DGAT1: variants seen among roughly 807,000 people sequenced by gnomAD.
DGAT1 encodes diacylglycerol O-acyltransferase 1, also known as ACAT related gene product 1.
DGAT1 carries 60 observed loss-of-function variants against 72.6 expected under a neutral mutation model. The ratio of observed to expected loss-of-function variants is 0.83; its 90% CI spans 0.67 to 1.02. The LOEUF is 1.02. Among genes scored for constraint, DGAT1 ranks in the 50% least tolerant of loss-of-function variants. The pLI is 0.00. For synonymous variants in DGAT1, 290 were observed against 267.5 expected (o/e 1.08, Z -0.82); for missense variants, 592 against 670.0 (o/e 0.88, Z 1.29).
intron 2 of DGAT1, 93 bp from the exon 3 acceptor site, chr8:144,319,161 C>G: frequency 6.8e-7 from 1 of 1,468,276 alleles, no homozygotes; most frequent in Non-Finnish European, 9.3e-7. Context: ...CACGTCCCAG[C>G]CCGAGCTCAG....
rs1817204449 is a variant in DGAT1 at position 144,316,072 on chromosome 8, G to A, written c.*482C>T. ...ACACCCAGCAGGAGTAGCACCAGGA[G>A]AGGACGCCTGAGCTGAGCTTTTCTA... On this transcript the variant is annotated 3_prime_UTR_variant, in exon 17 of 17. Transcript: ENST00000528718. 5 of 333,530 alleles carry A rather than the reference G, an allele frequency of 1.5e-5. No homozygotes were observed. The highest frequency in any genetic ancestry group is 2.2e-5 in the Non-Finnish European group (5 of 230,364). The allele number at this position is 333,530 out of a possible 1,614,324, so 20.7% of individuals were successfully genotyped here. A position where few individuals can be genotyped will look rare whatever the true frequency, so the allele number is the denominator to read the frequency against.
chr8:144,323,987 G>C (rs1446795067), intron 1 of DGAT1, among the ~76,000 whole-genome samples: 12 of 152,238 alleles, frequency 7.9e-5, no homozygotes, highest in Non-Finnish European at 2.9e-5. Context: ...GAGAGAGAAA[G>C]GGAGAGTCAG....
chr8:144,317,266 GAC>G lies in DGAT1; in HGVS notation c.1095-16_1095-15del. 2 of 1,611,018 alleles carry G rather than the reference GAC, an allele frequency of 1.2e-6. No individual in the cohort carries two copies. Among genetic ancestry groups the G allele is most frequent in the Non-Finnish European group, 8.5e-7 (1 of 1,177,910 alleles). On this transcript the variant is annotated splice_polypyrimidine_tract_variant and intron_variant, in intron 13 of 16. Transcript: ENST00000528718. ...GACTCGGAGTTCCTGGGGGCCAAGA[GAC>G]CACAGGGGGATCAGAGCACACCATG...
intron 1 of DGAT1, 47 bp from the exon 2 acceptor site, chr8:144,321,455 C>A (rs1817456264): frequency 1.9e-6 from 3 of 1,546,044 alleles, no homozygotes; most frequent in African/African-American, 1.4e-5. Context: ...ACCAGCAGGG[C>A]AGCGCCACCC....
chr8:144,316,038 G>A lies in DGAT1; in HGVS notation c.*516C>T, dbSNP rs560460810. On this transcript the variant is annotated 3_prime_UTR_variant, in exon 17 of 17. Coordinates refer to ENST00000528718, the MANE Select transcript of DGAT1 (RefSeq NM_012079.6). ...ATCCTGCACTGAGGGCCAGAGTGCC[G>A]ATTCCCGCACACCCAGCAGGAGTAG... The A allele has an allele frequency of 5.8e-5, 36 of 620,630 alleles. No individual in the cohort carries two copies. Among genetic ancestry groups the A allele is most frequent in the Non-Finnish European group, 6.7e-5 (33 of 494,786 alleles). 38.4% of individuals were successfully genotyped at this position (620,630 alleles called of 1,614,324 possible). A position where few individuals can be genotyped will look rare whatever the true frequency, so the allele number is the denominator to read the frequency against.
In DGAT1 at chr8:144,319,077, G is replaced by A; in HGVS notation, c.289-9C>T. 6.4e-7 allele frequency: 1 copy of A among 1,553,118 alleles called. No individual in the cohort carries two copies. The highest frequency in any genetic ancestry group is 8.7e-7 in the Non-Finnish European group (1 of 1,148,048). ...CGGGCATTGCTCAAGATCTGCGAGGGATGGACAGGAGGGTGCAGCCCCTTT... is the reference window on the plus strand; with the variant it reads ...CGGGCATTGCTCAAGATCTGCGAGGAATGGACAGGAGGGTGCAGCCCCTTT... On this transcript the variant is annotated splice_polypyrimidine_tract_variant and intron_variant, in intron 2 of 16. Transcript: ENST00000528718.
chr8:144,321,578 A>C (rs559072057), intron 1 of DGAT1, among the ~76,000 whole-genome samples, 170 bp from the exon 2 acceptor site: 49 of 152,302 alleles, frequency 3.2e-4, no homozygotes, highest in South Asian at 2.7e-3. Flanking sequence ...CAAGACCTAC[A>C]GTGGGCAAAG....
chr8:144,315,335 C>A lies in DGAT1; in HGVS notation c.*1219G>T, dbSNP rs1243949033. The A allele has an allele frequency of 4.1e-6, 4 of 985,404 alleles. No homozygotes were observed. The African/African-American group carries it at 7.0e-5, about 17-fold the overall frequency. 61.0% of individuals were successfully genotyped at this position (985,404 alleles called of 1,614,324 possible). A position where few individuals can be genotyped will look rare whatever the true frequency, so the allele number is the denominator to read the frequency against. On this transcript the variant is annotated 3_prime_UTR_variant, in exon 17 of 17. Coordinates refer to ENST00000528718, the MANE Select transcript of DGAT1 (RefSeq NM_012079.6). ...CTCCATCTCAGGGCCCACCAGCCCCCACTGGGGTAGAGGGAGGATACCACC... is the reference window on the plus strand; with the variant it reads ...CTCCATCTCAGGGCCCACCAGCCCCAACTGGGGTAGAGGGAGGATACCACC...
chr8:144,317,082 C>T lies in DGAT1; in HGVS notation c.1188G>A (p.Arg396=), dbSNP rs1241687365. The change falls in exon 15 of 17, where the codon CGG becomes CGA. Residue 396 remains arginine, a synonymous_variant. Coordinates refer to ENST00000528718, the MANE Select transcript of DGAT1 (RefSeq NM_012079.6). The stretch of plus-strand genomic sequence containing the variant: ...TCCTGGCCATCCACTTGCTGCTGCC[C>T]CGTCGAAGCATGGGCTTGTAGAAGT... ...IRHFYKPMLR[R]GSSKWMARTG... 4 of 1,612,838 alleles carry T rather than the reference C, an allele frequency of 2.5e-6. No homozygotes were observed. The highest frequency in any genetic ancestry group is 2.7e-5 in the African/African-American group (2 of 74,884).
intron 1 of DGAT1, among the ~76,000 whole-genome samples, chr8:144,324,353 G>A (rs1554848530): frequency 6.6e-6 from 1 of 152,168 alleles, no homozygotes; most frequent in South Asian, 2.1e-4. Context: ...AAGGGGGTGC[G>A]CTAGAGGCCA....
intron 15 of DGAT1, 46 bp from the exon 16 acceptor site, chr8:144,316,961 G>A (rs782595918): frequency 1.1e-5 from 18 of 1,611,648 alleles, no homozygotes; most frequent in East Asian, 6.7e-5. Flanking sequence ...GGTGTCAGCC[G>A]TCCCTGCTGT....
In DGAT1 at chr8:144,321,307, C is replaced by A; in HGVS notation, c.288+14G>T. On this transcript the variant is annotated intron_variant, in intron 2 of 16. Coordinates refer to ENST00000528718, the MANE Select transcript of DGAT1 (RefSeq NM_012079.6). ...CTGGACCTAGACCCGCTCCCGACACCATGTCCCACTCACCAGCATCACCAC... is the reference window on the plus strand; with the variant it reads ...CTGGACCTAGACCCGCTCCCGACACAATGTCCCACTCACCAGCATCACCAC... 2 of 1,613,232 alleles carry A rather than the reference C, an allele frequency of 1.2e-6. No individual in the cohort carries two copies. The highest frequency in any genetic ancestry group is 1.7e-6 in the Non-Finnish European group (2 of 1,179,418).
In DGAT1 at chr8:144,319,022, A is replaced by C. The variant is rs781981810; in HGVS notation, c.329+6T>G. The C allele has an allele frequency of 1.9e-6, 3 of 1,558,776 alleles. No individual in the cohort carries two copies. Among genetic ancestry groups the C allele is most frequent in the Non-Finnish European group, 2.6e-6 (3 of 1,151,342 alleles). On this transcript the variant is annotated splice_donor_region_variant and intron_variant, in intron 3 of 16. Transcript: ENST00000528718. ...GGCAGGGGTGGGACCTGGCAAAGGCACTCACTTGATGAGGTTCTCCAGAAA... is the reference window on the plus strand; with the variant it reads ...GGCAGGGGTGGGACCTGGCAAAGGCCCTCACTTGATGAGGTTCTCCAGAAA...
chr8:144,323,415 G>A (rs537318632), intron 1 of DGAT1, among the ~76,000 whole-genome samples: 3 of 151,440 alleles, frequency 2.0e-5, no homozygotes, highest in Non-Finnish European at 2.9e-5. Flanking sequence ...CCCCCACTGC[G>A]CTACCCCTAC....
At chr8:144,321,488 C>G in intron 1 of DGAT1, 80 bp from the exon 2 acceptor site, 1 of 1,306,456 alleles carries the variant, frequency 7.7e-7, no homozygotes, top group African/African-American at 1.5e-5. Flanking sequence ...GGCCCCCACC[C>G]CAGTGTCCTC....
At chr8:144,321,190 C>T (rs1381984194) in intron 2 of DGAT1, 131 bp downstream of exon 2, 5 of 853,558 alleles carry the variant, frequency 5.9e-6, no homozygotes, top group African/African-American at 5.0e-5. Context: ...GCAGCCTGCT[C>T]CACACACCCC....
chr8:144,318,058 C>CCTGTCCCCCGCACCTCAG, intron 8 of DGAT1, 37 bp downstream of exon 8: 1 of 1,520,236 alleles, frequency 6.6e-7, no homozygotes, highest in Non-Finnish European at 8.8e-7. Context: ...ACAGGCCCAG[C>CCTGTCCCCCGCACCTCAG]CTGTCCCCCG....
chr8:144,316,625 GCTGTCCGATGATGAGCGACAGCCACA>G lies in DGAT1; in HGVS notation c.1370_1395del (p.Val457AlafsTer17). 1 of 1,608,678 alleles carries G rather than the reference GCTGTCCGATGATGAGCGACAGCCACA, an allele frequency of 6.2e-7. No homozygotes were observed. Among genetic ancestry groups the G allele is most frequent in the Non-Finnish European group, 8.5e-7 (1 of 1,178,350 alleles). On this transcript the variant is annotated frameshift_variant, in exon 17 of 17. Coordinates refer to ENST00000528718, the MANE Select transcript of DGAT1 (RefSeq NM_012079.6). LOFTEE classifies it high-confidence loss of function. The stretch of plus-strand genomic sequence containing the variant: ...TGGACGTACATGAGGACGGCTATTG[GCTGTCCGATGATGAGCGACAGCCACA>G]CAGCTGCGTTGCCATAGTTGCCCTG...
rs1554847752 is a variant in DGAT1 at position 144,318,844 on chromosome 8, G to T, written c.406C>A (p.Leu136Met). 1 of 1,612,242 alleles carries T rather than the reference G, an allele frequency of 6.2e-7. No individual in the cohort carries two copies. The highest frequency in any genetic ancestry group is 8.5e-7 in the Non-Finnish European group (1 of 1,179,190). The change falls in exon 4 of 17, where the codon CTG becomes ATG. Residue 136 changes from leucine to methionine, a missense_variant. Leu to Met is a conservative substitution (Grantham distance 15, BLOSUM62 2). Transcript: ENST00000528718. The part of the protein sequence containing the change: ...KDPYSWPAPC[L>M]VIAANVFAVA... ...TCAGAGCCCAGCTCACCAATAACCA[G>T]GCATGGGGCGGGCCAGCTATAGGGA...
Sources: allele counts gnomAD v4.1 joint callset (sites outside exome capture counted in the v4.1 genomes callset), GRCh38; gene constraint gnomAD v4.1.1; transcripts MANE v1.5; gene names NCBI Gene and HGNC (gene_info 2026-07-23, HGNC 2026-07-21).